The following CHKA variants were observed in gnomAD, a reference collection of about 807,000 sequenced individuals.
The protein encoded by CHKA is choline kinase alpha.
CHKA carries 34 observed loss-of-function variants against 60.1 expected under a neutral mutation model. That is an observed-to-expected ratio of 0.57 (90% CI 0.43 to 0.75). The LOEUF (loss-of-function observed/expected upper bound fraction) is 0.75, where lower values mean the gene tolerates loss of function less well. Among genes scored for constraint, CHKA ranks in the 30% least tolerant of loss-of-function variants. CHKA has a pLI of 0.00. For synonymous variants in CHKA, 217 were observed against 223.1 expected (o/e 0.97, Z 0.24); for missense variants, 563 against 561.3 (o/e 1.00, Z -0.03).
chr11:68,121,207 G>C lies in CHKA; in HGVS notation c.-30C>G, dbSNP rs1858637361. The stretch of plus-strand genomic sequence containing the variant: ...GACAGGCGGCCGAGGAGGCGCGGGC[G>C]GCCGCAGCGCGAGAGGACTAGGCTC... On this transcript the variant is annotated 5_prime_UTR_variant, in exon 1 of 12. Transcript: ENST00000265689. The C allele has an allele frequency of 8.7e-7, 1 of 1,149,384 alleles. No homozygotes were observed. Among genetic ancestry groups the C allele is most frequent in the South Asian group, 2.7e-5 (1 of 37,500 alleles). The allele number at this position is 1,149,384 out of a possible 1,614,324, so 71.2% of individuals were successfully genotyped here.
At chr11:68,065,696 G>A (rs1856418869) in intron 9 of CHKA, 90 bp downstream of exon 9, 3 of 901,886 alleles carry the variant, frequency 3.3e-6, no homozygotes, top group Non-Finnish European at 3.6e-6. Context: ...GTGAGACCCT[G>A]CCTCAAAAAA....
chr11:68,065,554 AGCTGGGCGTG>A (rs1856412573), intron 9 of CHKA, among the ~76,000 whole-genome samples: 1 of 151,964 alleles, frequency 6.6e-6, no homozygotes, highest in Admixed American at 6.6e-5. Context: ...ACAAACAATT[AGCTGGGCGTG>A]GTGGCATGCG....
At chr11:68,098,704 A>T (rs921465496) in intron 1 of CHKA, among the ~76,000 whole-genome samples, 25 of 151,792 alleles carry the variant, frequency 1.6e-4, no homozygotes, top group African/African-American at 3.9e-4. Context: ...TTATTTATTT[A>T]TTTTTTTCAG....
chr11:68,108,806 G>A (rs1294295668), intron 1 of CHKA, among the ~76,000 whole-genome samples: 7 of 152,200 alleles, frequency 4.6e-5, no homozygotes, highest in Non-Finnish European at 7.3e-5. Context: ...CAGACCGGCA[G>A]ATACAGAGAA....
At chr11:68,068,239 C>T (rs188760183) in intron 7 of CHKA, among the ~76,000 whole-genome samples, 8 of 151,976 alleles carry the variant, frequency 5.3e-5, no homozygotes, top group South Asian at 4.2e-4. Context: ...GGGAAGGGCC[C>T]GGGACTCAAT....
chr11:68,090,813 G>A (rs769279530), intron 2 of CHKA, among the ~76,000 whole-genome samples: 17 of 152,146 alleles, frequency 1.1e-4, no homozygotes, highest in Non-Finnish European at 2.2e-4. Context: ...TATTATAAAC[G>A]TTCATGCCTG....
chr11:68,073,803 G>C (rs776325320), intron 4 of CHKA, among the ~76,000 whole-genome samples: 2 of 152,150 alleles, frequency 1.3e-5, no homozygotes, highest in Non-Finnish European at 2.9e-5. Flanking sequence ...GGCAGCCCTG[G>C]ACATGCCCAG....
intron 1 of CHKA, among the ~76,000 whole-genome samples, chr11:68,101,661 A>G (rs1857730030): frequency 6.6e-6 from 1 of 152,120 alleles, no homozygotes; most frequent in Non-Finnish European, 1.5e-5. Flanking sequence ...AACAAAAAAA[A>G]AAAGAAAAGA....
intron 4 of CHKA, among the ~76,000 whole-genome samples, chr11:68,072,925 T>C (rs1350208556): frequency 1.3e-5 from 2 of 151,898 alleles, no homozygotes; most frequent in African/African-American, 4.8e-5. Context: ...AGTCCAGGAG[T>C]TCGAGGCTGC....
At chr11:68,098,417 C>T (rs2153024402) in intron 1 of CHKA, among the ~76,000 whole-genome samples, 1 of 152,130 alleles carries the variant, frequency 6.6e-6, no homozygotes, top group East Asian at 1.9e-4. Context: ...ACTGCTATAA[C>T]AAATTACTAC....
chr11:68,091,462 T>C (rs1443169284), intron 2 of CHKA, among the ~76,000 whole-genome samples: 1 of 152,234 alleles, frequency 6.6e-6, no homozygotes, highest in Non-Finnish European at 1.5e-5. Flanking sequence ...GGACCCATTC[T>C]TGACCTTGCC....
intron 6 of CHKA, among the ~76,000 whole-genome samples, chr11:68,069,621 C>G (rs575085885): frequency 3.6e-4 from 54 of 151,332 alleles, no homozygotes; most frequent in African/African-American, 1.3e-3. Flanking sequence ...GAGGGTGAAG[C>G]TGCAGTGAGT....
intron 2 of CHKA, among the ~76,000 whole-genome samples, chr11:68,085,812 AG>A (rs1310858799): frequency 6.6e-5 from 10 of 151,988 alleles, no homozygotes; most frequent in Non-Finnish European, 1.5e-4. Flanking sequence ...CACCCAGGCT[AG>A]AGTGCAGTGG....
chr11:68,116,609 C>T (rs1225451632), intron 1 of CHKA, among the ~76,000 whole-genome samples: 1 of 151,628 alleles, frequency 6.6e-6, no homozygotes, highest in East Asian at 1.9e-4. Context: ...CCCAGCTACT[C>T]GGGAGGCCGA....
chr11:68,066,557 G>A (rs2134521333), intron 7 of CHKA, 41 bp from the exon 8 acceptor site: 1 of 1,453,276 alleles, frequency 6.9e-7, no homozygotes, highest in Non-Finnish European at 9.7e-7. Context: ...TTTTACAATA[G>A]AAGGCTCAAG....
chr11:68,064,553 T>G lies in CHKA; in HGVS notation c.1204A>C (p.Lys402Gln), dbSNP rs537452147. ...NLSTEEKSII[K>Q]EEMLLEVNRF... ...TTAACTTCAAGCAACATTTCTTCTT[T>G]TATAATGGATTTTTCTTCAGTACTG... The change falls in exon 10 of 12, where the codon AAA becomes CAA. Residue 402 changes from lysine (K) to glutamine (Q), a missense_variant. Lys to Gln is a moderately conservative substitution (Grantham distance 53). Transcript: ENST00000265689. 16 of 1,575,520 alleles carry G rather than the reference T, an allele frequency of 1.0e-5. No homozygotes were observed. In the African/African-American group the frequency reaches 1.1e-4, roughly 11 times the overall value.
chr11:68,099,201 TAA>T (rs889019051), intron 1 of CHKA, among the ~76,000 whole-genome samples: 5 of 152,228 alleles, frequency 3.3e-5, no homozygotes, highest in African/African-American at 1.2e-4. Flanking sequence ...GGATGATAGC[TAA>T]AAGTTTCTTT....
chr11:68,109,019 G>T (rs950993636), intron 1 of CHKA, among the ~76,000 whole-genome samples: 1 of 102,452 alleles, frequency 9.8e-6, no homozygotes. Flanking sequence ...AAAACTGAGG[G>T]GGGGAAAAAA....
chr11:68,071,987 A>T (rs1393468401), intron 4 of CHKA, among the ~76,000 whole-genome samples: 1 of 152,210 alleles, frequency 6.6e-6, no homozygotes, highest in Admixed American at 6.5e-5. Flanking sequence ...CAATAAGAAC[A>T]GGGCCTCCAC....
Sources: allele counts gnomAD v4.1 joint callset (sites outside exome capture counted in the v4.1 genomes callset), GRCh38; gene constraint gnomAD v4.1.1; transcripts MANE v1.5; gene names NCBI Gene and HGNC (gene_info 2026-07-23, HGNC 2026-07-21).